Variants in VTI1A observed in about 807,000 individuals in gnomAD.
VTI1A encodes vesicle transport through interaction with t-SNAREs 1A.
VTI1A carries 22 observed loss-of-function variants against 34.9 expected under a neutral mutation model. The ratio of observed to expected loss-of-function variants is 0.63; its 90% CI spans 0.45 to 0.90. The LOEUF is 0.90. Among genes scored for constraint, VTI1A ranks in the 40% least tolerant of loss-of-function variants. The pLI is 0.00. For synonymous variants in VTI1A, 87 were observed against 97.3 expected (o/e 0.89, Z 0.62); for missense variants, 268 against 275.6 (o/e 0.97, Z 0.20).
At chr10:112,584,551 C>T (rs1355754760) in intron 5 of VTI1A, among the ~76,000 whole-genome samples, 2 of 152,190 alleles carry the variant, frequency 1.3e-5, no homozygotes, top group Non-Finnish European at 2.9e-5. Flanking sequence ...TACAGGCATG[C>T]GCCATTGGAA....
intron 7 of VTI1A, among the ~76,000 whole-genome samples, chr10:112,670,234 C>A (rs977261274): frequency 4.6e-5 from 7 of 152,044 alleles, no homozygotes; most frequent in African/African-American, 1.7e-4. Flanking sequence ...TGAGCTGTAA[C>A]GAATATTCTG....
At chr10:112,674,029 G>A (rs1271634041) in intron 7 of VTI1A, among the ~76,000 whole-genome samples, 3 of 152,142 alleles carry the variant, frequency 2.0e-5, no homozygotes, top group Non-Finnish European at 2.9e-5. Flanking sequence ...ACAGTATAGA[G>A]TTTTCAAGAC....
chr10:112,746,412 CACCT>C (rs1850899289), intron 7 of VTI1A, among the ~76,000 whole-genome samples: 1 of 152,166 alleles, frequency 6.6e-6, no homozygotes, highest in Non-Finnish European at 1.5e-5. Flanking sequence ...AGTGCCCTGG[CACCT>C]ACAGAAAAAA....
chr10:112,598,606 G>A (rs1273808673), intron 5 of VTI1A, among the ~76,000 whole-genome samples: 5 of 152,186 alleles, frequency 3.3e-5, no homozygotes, highest in Admixed American at 2.0e-4. Context: ...CATTAGTGGC[G>A]TTCCCTACCT....
chr10:112,835,525 T>G, the VTI1A span, among the ~76,000 whole-genome samples: 13 of 152,236 alleles, frequency 8.5e-5, no homozygotes, highest in Admixed American at 7.9e-4. Context: ...GTCCCGTTAC[T>G]GTAAACGGCC....
intron 7 of VTI1A, among the ~76,000 whole-genome samples, chr10:112,770,497 G>A (rs767533600): frequency 2.0e-5 from 3 of 150,894 alleles, no homozygotes; most frequent in Admixed American, 6.6e-5. Flanking sequence ...CCAGGTTCAC[G>A]CCATTCTCCT....
At chr10:112,601,511 G>T (rs1217655836) in intron 5 of VTI1A, among the ~76,000 whole-genome samples, 1 of 151,578 alleles carries the variant, frequency 6.6e-6, no homozygotes, top group Non-Finnish European at 1.5e-5. Context: ...TGCCAACCAG[G>T]CACCAATGCC....
intron 7 of VTI1A, among the ~76,000 whole-genome samples, chr10:112,778,930 G>A (rs1387193150): frequency 1.3e-5 from 2 of 152,080 alleles, no homozygotes; most frequent in Non-Finnish European, 2.9e-5. Flanking sequence ...GAAATATGCA[G>A]GAGAAGTTCA....
intron 5 of VTI1A, among the ~76,000 whole-genome samples, chr10:112,635,199 C>G (rs1846304340): frequency 6.6e-6 from 1 of 152,182 alleles, no homozygotes; most frequent in African/African-American, 2.4e-5. Context: ...AGCTTTTACT[C>G]TGGTAAAGAG....
chr10:112,750,822 A>G (rs1159603122), intron 7 of VTI1A, among the ~76,000 whole-genome samples: 2 of 152,196 alleles, frequency 1.3e-5, no homozygotes, highest in African/African-American at 4.8e-5. Context: ...TTTTATCAGG[A>G]TCTCTGTAAT....
intron 7 of VTI1A, among the ~76,000 whole-genome samples, chr10:112,809,298 T>C (rs931571721): frequency 6.6e-6 from 1 of 152,262 alleles, no homozygotes; most frequent in Admixed American, 6.5e-5. Context: ...TTTTCATTTC[T>C]TTCTGGTGAA....
chr10:112,755,260 AAAAGAAAGAAAG>A (rs143000248), intron 7 of VTI1A, among the ~76,000 whole-genome samples: 1 of 151,594 alleles, frequency 6.6e-6, no homozygotes, highest in East Asian at 2.0e-4. Context: ...TCTCAAAAAA[AAAAGAAAGAAAG>A]AAAGAAAGAA....
intron 5 of VTI1A, among the ~76,000 whole-genome samples, chr10:112,557,185 A>G (rs1306679145): frequency 1.3e-5 from 2 of 152,014 alleles, no homozygotes; most frequent in Non-Finnish European, 2.9e-5. Flanking sequence ...CTCTTCTAGG[A>G]TATAAAGTTT....
At chr10:112,830,849 A>ATATTTT in the VTI1A span, among the ~76,000 whole-genome samples, 1 of 33,494 alleles carries the variant, frequency 3.0e-5, no homozygotes, top group Admixed American at 4.7e-4. Flanking sequence ...ATATATATAT[A>ATATTTT]TTTTTTTTTT....
chr10:112,759,961 G>A (rs567234664), intron 7 of VTI1A, among the ~76,000 whole-genome samples: 16 of 152,370 alleles, frequency 1.1e-4, no homozygotes, highest in African/African-American at 3.8e-4. Flanking sequence ...TGACGGGGCA[G>A]TTTGGGATGG....
intron 5 of VTI1A, among the ~76,000 whole-genome samples, chr10:112,546,001 C>T (rs922581507): frequency 5.7e-5 from 8 of 141,534 alleles, no homozygotes; most frequent in Non-Finnish European, 1.2e-4. Context: ...TACGTGTATA[C>T]GCGTATGTGT....
chr10:112,728,065 T>C (rs555212036), intron 7 of VTI1A, among the ~76,000 whole-genome samples: 26 of 152,258 alleles, frequency 1.7e-4, no homozygotes, highest in African/African-American at 6.3e-4. Context: ...GGGGACAGTC[T>C]GAACCCGAAG....
At chr10:112,808,786 G>A (rs186142191) in intron 7 of VTI1A, among the ~76,000 whole-genome samples, 6 of 152,230 alleles carry the variant, frequency 3.9e-5, no homozygotes, top group Middle Eastern at 3.4e-3. Flanking sequence ...TCAGGAATCC[G>A]TCTCTTTTTC....
intron 7 of VTI1A, among the ~76,000 whole-genome samples, chr10:112,713,814 G>A (rs1263575599): frequency 6.6e-6 from 1 of 152,178 alleles, no homozygotes; most frequent in Non-Finnish European, 1.5e-5. Flanking sequence ...ACCAGGTCCT[G>A]TTACATAAAG....
Sources: gnomAD v4.1 joint callset for allele counts (sites outside exome capture counted in the v4.1 genomes callset) on GRCh38, gnomAD v4.1.1 for gene constraint, MANE v1.5 for transcripts, NCBI Gene and HGNC (gene_info 2026-07-23, HGNC 2026-07-21) for gene names.